ADAMTSL1: variants seen among roughly 807,000 people sequenced by gnomAD.
The protein encoded by ADAMTSL1 is ADAMTS like 1.
ADAMTSL1 carries 126 observed loss-of-function variants against 201.8 expected under a neutral mutation model. The observed-to-expected ratio is 0.62, with a 90% CI of 0.54 to 0.72. ADAMTSL1 has a LOEUF of 0.72. Among genes scored for constraint, ADAMTSL1 ranks in the 30% least tolerant of loss-of-function variants. The pLI, the probability that ADAMTSL1 is intolerant of heterozygous loss-of-function variation, is 0.00. For synonymous variants in ADAMTSL1, 1,121 were observed against 903.4 expected, an observed-to-expected ratio of 1.24 and a Z score of -4.32; for missense variants, 2,679 against 2,277.8, an observed-to-expected ratio of 1.18 and a Z score of -3.59.
chr9:18,839,053 C>G (rs1825530507), intron 23 of ADAMTSL1, among the ~76,000 whole-genome samples: 1 of 146,350 alleles, frequency 6.8e-6, no homozygotes, highest in East Asian at 2.0e-4. Context: ...TATTATTATA[C>G]TTTAAGTTTT....
At position 18,184,745 on chromosome 9, in the gene ADAMTSL1, G is replaced by A. The variant is rs139864672; in HGVS notation, c.207+20764G>A. On this transcript the variant is annotated intron_variant, in intron 2 of 29. Coordinates refer to the ADAMTSL1 transcript ENST00000680146. ...CTATAGAAGAAAAAAATATGAGGCAGCAATATTATTTCTTGAAAGTAGTGA... is the reference window on the plus strand; with the variant it reads ...CTATAGAAGAAAAAAATATGAGGCAACAATATTATTTCTTGAAAGTAGTGA... Among the ~76,000 whole-genome samples, 38 of 152,260 alleles carry A rather than the reference G, an allele frequency of 2.5e-4. No homozygotes were observed. In the East Asian group the frequency reaches 4.4e-3, roughly 18 times the overall value.
At chr9:18,541,605 C>G (rs1221784260) in intron 3 of ADAMTSL1, among the ~76,000 whole-genome samples, 1 of 152,012 alleles carries the variant, frequency 6.6e-6, no homozygotes, top group South Asian at 2.1e-4. Flanking sequence ...ATAATGAGGA[C>G]TTAAAGCAGT....
chr9:18,356,270 G>C (rs10810958), intron 2 of ADAMTSL1, among the ~76,000 whole-genome samples: 1 of 151,828 alleles, frequency 6.6e-6, no homozygotes, highest in Non-Finnish European at 1.5e-5. Flanking sequence ...TGGCTTGCAG[G>C]TTTCATCCAG....
At chr9:18,460,874 GAAT>G (rs954433322) in intron 2 of ADAMTSL1, among the ~76,000 whole-genome samples, 1 of 152,120 alleles carries the variant, frequency 6.6e-6, no homozygotes, top group African/African-American at 2.4e-5. Context: ...CAAGAAAGGA[GAAT>G]AATAATAAGA....
At chr9:18,301,320 C>T (rs1177592525) in intron 2 of ADAMTSL1, among the ~76,000 whole-genome samples, 1 of 152,150 alleles carries the variant, frequency 6.6e-6, no homozygotes, top group African/African-American at 2.4e-5. Flanking sequence ...ACTTATCTCA[C>T]ATAATCAGAA....
chr9:18,717,005 A>G (rs1832987431), intron 14 of ADAMTSL1, among the ~76,000 whole-genome samples: 1 of 135,558 alleles, frequency 7.4e-6, no homozygotes, highest in Non-Finnish European at 1.6e-5. Flanking sequence ...ACCAAACCGC[A>G]TATTCTCACT....
At chr9:18,245,441 G>C (rs1831224810) in intron 2 of ADAMTSL1, among the ~76,000 whole-genome samples, 1 of 152,106 alleles carries the variant, frequency 6.6e-6, no homozygotes, top group South Asian at 2.1e-4. Flanking sequence ...TAGCTACTCG[G>C]GGTTTGTGAC....
intron 13 of ADAMTSL1, among the ~76,000 whole-genome samples, chr9:18,699,362 T>C (rs1408809721): frequency 6.6e-6 from 1 of 150,856 alleles, no homozygotes; most frequent in African/African-American, 2.4e-5. Context: ...TCTTTCTTTG[T>C]AGCCCAGGCT....
chr9:18,708,064 C>T lies in ADAMTSL1; in HGVS notation c.1876+1016C>T, dbSNP rs138012303. On this transcript the variant is annotated intron_variant, in intron 14 of 28. Transcript: ENST00000380548. Reference sequence around the variant, plus strand: ...CCTGGCTATTAGTAACCCCTTTGAGCATGTTGAGATTCTGTTTTCTCAGCA... The same window carrying T: ...CCTGGCTATTAGTAACCCCTTTGAGTATGTTGAGATTCTGTTTTCTCAGCA... 3.5e-4 allele frequency among the ~76,000 whole-genome samples: 54 copies of T among 152,328 alleles called. 1 individual carries two copies. The highest frequency in any genetic ancestry group is 1.3e-3 in the African/African-American group (53 of 41,582).
intron 1 of ADAMTSL1, among the ~76,000 whole-genome samples, chr9:17,989,918 C>CTT (rs756953884): frequency 3.0e-5 from 4 of 134,892 alleles, no homozygotes; most frequent in African/African-American, 8.1e-5. Flanking sequence ...TTGTAAACAT[C>CTT]TTTTTTTTTT....
intron 2 of ADAMTSL1, among the ~76,000 whole-genome samples, chr9:18,272,069 G>T (rs1832392478): frequency 6.6e-6 from 1 of 151,676 alleles, no homozygotes; most frequent in Non-Finnish European, 1.5e-5. Context: ...GTAGATTCTG[G>T]ATATTAGCCC....
At chr9:18,882,956 C>T (rs910590355) in intron 23 of ADAMTSL1, among the ~76,000 whole-genome samples, 1 of 145,622 alleles carries the variant, frequency 6.9e-6, no homozygotes, top group Non-Finnish European at 1.5e-5. Context: ...TGCACCATTA[C>T]ACTCCAACCT....
chr9:18,303,126 T>G (rs1406649574), intron 2 of ADAMTSL1, among the ~76,000 whole-genome samples: 2 of 152,216 alleles, frequency 1.3e-5, no homozygotes, highest in Admixed American at 6.5e-5. Context: ...AGTAGGTACT[T>G]ATTTAAAGAA....
intron 23 of ADAMTSL1, among the ~76,000 whole-genome samples, chr9:18,853,842 G>C (rs1051472066): frequency 2.6e-5 from 4 of 151,492 alleles, no homozygotes; most frequent in African/African-American, 7.3e-5. Context: ...ATAAGTTCCT[G>C]TTCTAAGTCC....
intron 2 of ADAMTSL1, among the ~76,000 whole-genome samples, chr9:18,169,632 G>T (rs561735460): frequency 1.3e-5 from 2 of 151,972 alleles, no homozygotes; most frequent in Non-Finnish European, 2.9e-5. Flanking sequence ...TCCATATGAA[G>T]CTTAAAGTAG....
At chr9:18,682,094 G>T in intron 12 of ADAMTSL1, 135 bp downstream of exon 12, 4 of 1,040,836 alleles carry the variant, frequency 3.8e-6, no homozygotes, top group South Asian at 2.2e-5. Flanking sequence ...CTCTACTAAA[G>T]GAATTTGATT....
chr9:18,195,249 T>C (rs1489806096), intron 2 of ADAMTSL1, among the ~76,000 whole-genome samples: 1 of 152,154 alleles, frequency 6.6e-6, no homozygotes, highest in Non-Finnish European at 1.5e-5. Flanking sequence ...GCAGCCTGTG[T>C]GTAGTCCTTT....
intron 15 of ADAMTSL1, among the ~76,000 whole-genome samples, chr9:18,738,598 A>T (rs1212125018): frequency 6.6e-6 from 1 of 152,154 alleles, no homozygotes; most frequent in East Asian, 1.9e-4. Flanking sequence ...TCAGAATCTA[A>T]TTGCTGAGTT....
intron 10 of ADAMTSL1, among the ~76,000 whole-genome samples, chr9:18,677,651 T>C (rs972669669): frequency 6.6e-6 from 1 of 152,044 alleles, no homozygotes; most frequent in Admixed American, 6.6e-5. Flanking sequence ...CTAATGCCTA[T>C]ATTAGGTTAA....
Sources: allele counts gnomAD v4.1 joint callset (sites outside exome capture counted in the v4.1 genomes callset), GRCh38; gene constraint gnomAD v4.1.1; transcripts MANE v1.5; gene names NCBI Gene and HGNC (gene_info 2026-07-23, HGNC 2026-07-21).